RAB30: variants seen among roughly 807,000 people sequenced by gnomAD.
The protein encoded by RAB30 is RAB30, member RAS oncogene family.
A neutral mutation model predicts 25.1 loss-of-function variants in RAB30; 9 were observed. The observed-to-expected ratio is 0.36, with a 90% CI of 0.22 to 0.63. RAB30 has a LOEUF of 0.63. RAB30 is among the 20% of genes least tolerant of loss of function. RAB30 has a pLI of 0.69. For synonymous variants in RAB30, 77 were observed against 86.4 expected (o/e 0.89, Z 0.60); for missense variants, 140 against 243.5 (o/e 0.58, Z 2.83).
At chr11:83,061,343 T>G (rs2121520636) in intron 1 of RAB30, among the ~76,000 whole-genome samples, 1 of 152,242 alleles carries the variant, frequency 6.6e-6, no homozygotes, top group African/African-American at 2.4e-5. Flanking sequence ...TAAAGGAAAC[T>G]AAAGAACACA....
At chr11:82,994,360 C>A (rs572789219) in intron 2 of RAB30, among the ~76,000 whole-genome samples, 52 of 151,750 alleles carry the variant, frequency 3.4e-4, no homozygotes, top group African/African-American at 1.2e-3. Context: ...AGGAAAGAGA[C>A]AGGAGGACAG....
chr11:83,014,106 G>C (rs546691299), intron 1 of RAB30, among the ~76,000 whole-genome samples: 1 of 152,350 alleles, frequency 6.6e-6, no homozygotes, highest in African/African-American at 2.4e-5. Flanking sequence ...ATGAATGAAT[G>C]AATGGGAAAA....
In RAB30 at chr11:82,978,418, C is replaced by T. The variant is rs1422296121; in HGVS notation, c.*3747G>A. 1 of 151,738 alleles carries T rather than the reference C, an allele frequency of 6.6e-6. No individual in the cohort carries two copies. Among genetic ancestry groups the T allele is most frequent in the Non-Finnish European group, 1.5e-5 (1 of 67,940 alleles). 9.4% of individuals were successfully genotyped at this position (151,738 alleles called of 1,614,324 possible). On this transcript the variant is annotated 3_prime_UTR_variant, in exon 5 of 5. Coordinates refer to ENST00000527633, the MANE Select transcript of RAB30 (RefSeq NM_001286060.2). The stretch of plus-strand genomic sequence containing the variant: ...TTTCCTCACAGTTCAAAAAGTTCTG[C>T]CCACCTTGATTAACTTGTTTTCTGA...
chr11:83,064,372 T>C (rs938898964), intron 1 of RAB30, among the ~76,000 whole-genome samples: 1 of 152,098 alleles, frequency 6.6e-6, no homozygotes, highest in African/African-American at 2.4e-5. Flanking sequence ...CCTCCCAAAG[T>C]GTTGGGATTA....
chr11:82,994,118 A>G lies in RAB30; in HGVS notation c.98T>C (p.Leu33Pro). The G allele has an allele frequency of 6.2e-7, 1 of 1,600,530 alleles. No homozygotes were observed. The highest frequency in any genetic ancestry group is 8.6e-7 in the Non-Finnish European group (1 of 1,168,422). Residue 33 changes from leucine to proline, a missense_variant, in exon 3 of 5, where the codon CTT (leucine) becomes CCT (proline). Transcript: ENST00000527633. ...TGTGGCTCCTTGACCTGGGGGGAAA[A>G]GACCCTGAAGAAGAAATAATAGAAA... ...TCLVRRFTQG[L>P]FPPGQGATIG...
At position 82,978,933 on chromosome 11, in the gene RAB30, C is replaced by A. The variant is rs1415573273; in HGVS notation, c.*3232G>T. ...TAACTTTCATTTTTAGTTTTCTTGC[C>A]ACTTTACTCAGGGAGAGATAAAAAC... On this transcript the variant is annotated 3_prime_UTR_variant, in exon 5 of 5. Transcript: ENST00000527633. 6.6e-6 allele frequency: 1 copy of A among 152,012 alleles called. No homozygotes were observed. Among genetic ancestry groups the A allele is most frequent in the Non-Finnish European group, 1.5e-5 (1 of 68,010 alleles). 9.4% of individuals were successfully genotyped at this position (152,012 alleles called of 1,614,324 possible).
intron 3 of RAB30, among the ~76,000 whole-genome samples, chr11:82,993,560 A>G (rs913997219): frequency 5.9e-5 from 9 of 152,238 alleles, no homozygotes; most frequent in Non-Finnish European, 1.3e-4. Flanking sequence ...GGCAGGAAGC[A>G]GGGGCTAGAG....
At chr11:83,036,419 C>T (rs777070331) in intron 1 of RAB30, among the ~76,000 whole-genome samples, 18 of 152,144 alleles carry the variant, frequency 1.2e-4, no homozygotes, top group Admixed American at 5.2e-4. Flanking sequence ...CTTCCTGCCT[C>T]GGCCTCCCAA....
chr11:83,021,797 G>C (rs994240000), intron 1 of RAB30, among the ~76,000 whole-genome samples: 1 of 152,250 alleles, frequency 6.6e-6, no homozygotes, highest in Non-Finnish European at 1.5e-5. Flanking sequence ...CTCAAGGGCT[G>C]TTGTGAGATT....
intron 1 of RAB30, among the ~76,000 whole-genome samples, chr11:83,009,487 G>A (rs1489365849): frequency 6.6e-6 from 1 of 152,168 alleles, no homozygotes; most frequent in Non-Finnish European, 1.5e-5. Context: ...AGAGCTGGGT[G>A]GAAGATGTGG....
rs572081493 is a variant in RAB30 at position 83,063,036 on chromosome 11, T to G, written c.-9+8655A>C. On this transcript the variant is annotated intron_variant, in intron 1 of 4. Coordinates refer to ENST00000527633, the MANE Select transcript of RAB30 (RefSeq NM_001286060.2). ...AAAAAAAAAAGATAAGTTGTCCACG[T>G]AGCAAACAGCTCAAATTTTTTGTTT... is the stretch of plus-strand genomic sequence containing the variant. 3.3e-5 allele frequency among the ~76,000 whole-genome samples: 5 copies of G among 150,638 alleles called. No homozygotes were observed. The East Asian group carries it at 9.7e-4, about 29-fold the overall frequency.
chr11:83,058,456 T>C (rs1858499786), intron 1 of RAB30, among the ~76,000 whole-genome samples: 1 of 152,268 alleles, frequency 6.6e-6, no homozygotes, highest in Non-Finnish European at 1.5e-5. Flanking sequence ...TTGTTTTTCA[T>C]GACCTTTACT....
chr11:82,992,628 A>T (rs930681675), intron 3 of RAB30, among the ~76,000 whole-genome samples: 13 of 152,070 alleles, frequency 8.5e-5, no homozygotes, highest in African/African-American at 3.1e-4. Flanking sequence ...GTAGAACTCT[A>T]AAATGCCAGT....
rs1856567424 is a variant in RAB30, at chr11:82,977,650, T to G, written c.*4515A>C. ...TGAACCACAGAGCATCTTGTTCTAA[T>G]GCACTAATTGTATTCCCCTCTTTTT... On this transcript the variant is annotated 3_prime_UTR_variant, in exon 5 of 5. Transcript: ENST00000527633. 6.6e-6 allele frequency: 1 copy of G among 152,202 alleles called. No individual in the cohort carries two copies. The highest frequency in any genetic ancestry group is 6.5e-5 in the Admixed American group (1 of 15,276). The allele number at this position is 152,202 out of a possible 1,614,324, so 9.4% of individuals were successfully genotyped here. A position where few individuals can be genotyped will look rare whatever the true frequency, so the allele number is the denominator to read the frequency against.
rs1273194114 is a variant in RAB30 at position 82,994,060 on chromosome 11, C to T, written c.156G>A (p.Glu52=). ...TTACCTTTACTTTTTCACCATTAAT[C>T]TCCACTGTCTTAATCATAAAATCAA... is the stretch of plus-strand genomic sequence containing the variant. The part of the protein sequence containing the change: ...IGVDFMIKTV[E]INGEKVKLQI... Residue 52 remains glutamate, a synonymous_variant, in exon 3 of 5, where the codon GAG becomes GAA. Transcript: ENST00000527633. 5 of 1,610,402 alleles carry T rather than the reference C, an allele frequency of 3.1e-6. No individual in the cohort carries two copies. The highest frequency in any genetic ancestry group is 1.1e-5 in the South Asian group (1 of 90,900).
intron 1 of RAB30, among the ~76,000 whole-genome samples, chr11:83,040,521 G>A (rs1157463972): frequency 4.0e-5 from 6 of 151,734 alleles, no homozygotes; most frequent in Non-Finnish European, 7.4e-5. Flanking sequence ...AACCTGGGAG[G>A]CGGAGGTTGC....
intron 1 of RAB30, among the ~76,000 whole-genome samples, chr11:83,068,254 C>T (rs1017397666): frequency 2.6e-5 from 4 of 151,400 alleles, no homozygotes; most frequent in South Asian, 2.1e-4. Flanking sequence ...GCCGAGATTG[C>T]GCCATTGTAC....
chr11:83,040,733 T>C (rs1176946906), intron 1 of RAB30: 1 of 153,018 alleles, frequency 6.5e-6, no homozygotes, highest in African/African-American at 2.4e-5. Flanking sequence ...CAGAATCTTC[T>C]TTTTCTGGAC....
At chr11:83,029,390 A>G (rs938660036) in intron 1 of RAB30, among the ~76,000 whole-genome samples, 1 of 151,424 alleles carries the variant, frequency 6.6e-6, no homozygotes, top group East Asian at 1.9e-4. Flanking sequence ...TCTTTGCTTA[A>G]ATATTTTATT....
Sources: gnomAD v4.1 joint callset for allele counts (sites outside exome capture counted in the v4.1 genomes callset) on GRCh38, gnomAD v4.1.1 for gene constraint, MANE v1.5 for transcripts, NCBI Gene and HGNC (gene_info 2026-07-23, HGNC 2026-07-21) for gene names.